LRP3: variants seen among roughly 807,000 people sequenced by gnomAD.
The protein encoded by LRP3 is low-density lipoprotein receptor-related protein 3.
LRP3 carries 49 observed loss-of-function variants against 58.5 expected under a neutral mutation model. The ratio of observed to expected loss-of-function variants is 0.84; its 90% CI spans 0.67 to 1.06. LRP3 has a LOEUF of 1.06. Ranked by LOEUF, LRP3 falls within the 50% of genes least tolerant of loss-of-function variation. The probability of loss-of-function intolerance (pLI) is 0.00; values close to 1 mark genes in which losing one functional copy is unlikely to be tolerated. For synonymous variants in LRP3, 485 were observed against 492.2 expected (o/e 0.99, Z 0.20); for missense variants, 1,019 against 1,134.2 (o/e 0.90, Z 1.46).
rs1239880974 is a variant in LRP3, at chr19:33,205,280, G to A, written c.510G>A (p.Glu170=). 1.2e-6 allele frequency: 2 copies of A among 1,610,330 alleles called. No homozygotes were observed. Among genetic ancestry groups the A allele is most frequent in the East Asian group, 4.5e-5 (2 of 44,784 alleles). The change falls in exon 5 of 7, where the codon GAG becomes GAA. Residue 170 remains glutamate, a synonymous_variant. Coordinates refer to ENST00000253193, the MANE Select transcript of LRP3 (RefSeq NM_002333.4). ...GCCAGGCATCCTGCCAGGCAGATGAGTTCCGCTGTGACAACGGCAAGTGCC... is the reference window on the plus strand; with the variant it reads ...GCCAGGCATCCTGCCAGGCAGATGAATTCCGCTGTGACAACGGCAAGTGCC... ...KLGQASCQAD[E]FRCDNGKCLP...
chr19:33,206,336 C>T lies in LRP3; in HGVS notation c.1566C>T (p.Leu522=). 2 of 1,603,640 alleles carry T rather than the reference C, an allele frequency of 1.2e-6. No individual in the cohort carries two copies. The highest frequency in any genetic ancestry group is 1.3e-5 in the African/African-American group (1 of 74,960). Residue 522 remains leucine (L), a synonymous_variant, in exon 5 of 7, where the codon CTC becomes CTT. Transcript: ENST00000253193. ...TCGCGCTGGGCTGCGCCTTCAAGCT[C>T]TACTCACTGCGCACGCAGGAATACA... is the stretch of plus-strand genomic sequence containing the variant. The part of the protein sequence containing the change: ...LVIALGCAFK[L]YSLRTQEYRA...
chr19:33,204,497 G>A, intron 3 of LRP3, 141 bp from the exon 4 acceptor site: 1 of 674,132 alleles, frequency 1.5e-6, no homozygotes, highest in South Asian at 1.7e-5. Flanking sequence ...AGGCAGTCTG[G>A]AACATGAGGA....
chr19:33,202,697 A>T, intron 2 of LRP3, 151 bp from the exon 3 acceptor site: 1 of 843,376 alleles, frequency 1.2e-6, no homozygotes, highest in Non-Finnish European at 1.8e-6. Context: ...CCATGAAGTC[A>T]CAAGTTGTGG....
At chr19:33,202,588 C>T (rs1355581207) in intron 2 of LRP3, among the ~76,000 whole-genome samples, 2 of 152,156 alleles carry the variant, frequency 1.3e-5, no homozygotes, top group South Asian at 2.1e-4. Flanking sequence ...GCCAGAGATG[C>T]GGGGGACAGG....
Position 33,206,496 on chromosome 19 carries a change from A to C in LRP3, c.1593-105A>C, listed in dbSNP as rs749018492. 2.5e-6 allele frequency: 4 copies of C among 1,592,084 alleles called. No individual in the cohort carries two copies. In the South Asian group the frequency reaches 4.4e-5, roughly 18 times the overall value. On this transcript the variant is annotated intron_variant, in intron 5 of 6. Coordinates refer to ENST00000253193, the MANE Select transcript of LRP3 (RefSeq NM_002333.4). ...TGCCCTGGTGCACACTGGGGTCCCT[A>C]TATCTTGGGGTGTCTGGGTGGAGGG...
chr19:33,206,899 C>A, intron 6 of LRP3, 89 bp from the exon 7 acceptor site: 1 of 1,214,462 alleles, frequency 8.2e-7, no homozygotes, highest in South Asian at 1.6e-5. Flanking sequence ...GGTCTCAGGT[C>A]CCTTGGGGGT....
chr19:33,199,697 C>T (rs146197819), intron 2 of LRP3, among the ~76,000 whole-genome samples: 7 of 152,280 alleles, frequency 4.6e-5, no homozygotes, highest in Non-Finnish European at 8.8e-5. Flanking sequence ...TGGAGGCACC[C>T]GTTGTCAGGG....
intron 2 of LRP3, among the ~76,000 whole-genome samples, chr19:33,199,111 C>G (rs904487150): frequency 4.6e-5 from 7 of 152,162 alleles, no homozygotes; most frequent in Non-Finnish European, 8.8e-5. Flanking sequence ...GACCTCTTGA[C>G]AGCCCCCAAC....
At chr19:33,200,437 G>A (rs1375675678) in intron 2 of LRP3, among the ~76,000 whole-genome samples, 1 of 152,132 alleles carries the variant, frequency 6.6e-6, no homozygotes, top group East Asian at 1.9e-4. Context: ...TGCCATGTTG[G>A]TCAGGCTGAT....
rs193250006 is a variant in LRP3 at position 33,203,471 on chromosome 19, G to A, written c.260+485G>A. Among the ~76,000 whole-genome samples, 40 of 152,320 alleles carry A rather than the reference G, an allele frequency of 2.6e-4. 1 individual carries two copies. In the East Asian group the frequency reaches 6.6e-3, roughly 25 times the overall value. Reference sequence around the variant, plus strand: ...CCATGCCTGCAAAGGTGCAGAGAGCGTGTATGTGCGCATGCATGTAAGATA... The same window carrying A: ...CCATGCCTGCAAAGGTGCAGAGAGCATGTATGTGCGCATGCATGTAAGATA... On this transcript the variant is annotated intron_variant, in intron 3 of 6. Coordinates refer to ENST00000253193, the MANE Select transcript of LRP3 (RefSeq NM_002333.4).
At position 33,205,450 on chromosome 19, in the gene LRP3, GCCTGCCT is replaced by G; in HGVS notation, c.681_687del (p.Cys227TrpfsTer106). The G allele has an allele frequency of 6.3e-7, 1 of 1,586,496 alleles. No homozygotes were observed. Among genetic ancestry groups the G allele is most frequent in the South Asian group, 1.1e-5 (1 of 89,032 alleles). ...TGCAGCGGGGCGCGCTCCACGCGCT[GCCTGCCT>G]GTGGAGCGGCGCTGTGACGGCTTGC... On this transcript the variant is annotated frameshift_variant, in exon 5 of 7. Transcript: ENST00000253193. LOFTEE classifies it high-confidence loss of function.
At chr19:33,196,895 A>G in intron 2 of LRP3, 118 bp downstream of exon 2, 2 of 937,498 alleles carry the variant, frequency 2.1e-6, no homozygotes, top group Admixed American at 1.8e-5. Flanking sequence ...CATCTTTTCT[A>G]CATCACAAAG....
intron 2 of LRP3, among the ~76,000 whole-genome samples, chr19:33,198,678 C>T (rs1051456466): frequency 1.3e-5 from 2 of 152,212 alleles, no homozygotes; most frequent in Non-Finnish European, 2.9e-5. Flanking sequence ...ATCCTAAGCC[C>T]AGGTATGTTG....
At chr19:33,203,092 T>C (rs1037608159) in intron 3 of LRP3, 106 bp downstream of exon 3, 1 of 1,330,432 alleles carries the variant, frequency 7.5e-7, no homozygotes, top group South Asian at 1.4e-5. Context: ...CGCCTGAGGG[T>C]GTACATGTGT....
Position 33,206,357 on chromosome 19 carries a change from A to C in LRP3, c.1587A>C (p.Glu529Asp), listed in dbSNP as rs1415984332. The C allele has an allele frequency of 6.2e-7, 1 of 1,605,056 alleles. No homozygotes were observed. Among genetic ancestry groups the C allele is most frequent in the East Asian group, 2.2e-5 (1 of 44,804 alleles). The change falls in exon 5 of 7, where the codon GAA becomes GAC. Residue 529 changes from glutamate to aspartate, a missense_variant. Glu to Asp is a conservative substitution (Grantham distance 45). Coordinates refer to ENST00000253193, the MANE Select transcript of LRP3 (RefSeq NM_002333.4). ...AFKLYSLRTQ[E>D]YRAFETQMTR... ...AGCTCTACTCACTGCGCACGCAGGAATACAGGTGGGCGCTGTGCCCGCAGC... is the reference window on the plus strand; with the variant it reads ...AGCTCTACTCACTGCGCACGCAGGACTACAGGTGGGCGCTGTGCCCGCAGC...
At position 33,196,809 on chromosome 19, in the gene LRP3, C is replaced by A. The variant is rs765672536; in HGVS notation, c.121+32C>A. ...AAGCACTTTCTCTCCTTCCTCCACT[C>A]CTTCAGTCCCTTTTGGGTGAGTGGT... On this transcript the variant is annotated intron_variant, in intron 2 of 6. Transcript: ENST00000253193. The A allele has an allele frequency of 1.9e-6, 3 of 1,607,650 alleles. No individual in the cohort carries two copies. The East Asian group carries it at 6.7e-5, about 36-fold the overall frequency.
In LRP3 at chr19:33,207,320, G is replaced by A. The variant is rs542164752; in HGVS notation, c.2058G>A (p.Ser686=). 283 of 1,573,228 alleles carry A rather than the reference G, an allele frequency of 1.8e-4. No individual in the cohort carries two copies. The highest frequency in any genetic ancestry group is 1.1e-3 in the Admixed American group (63 of 55,244). The change falls in exon 7 of 7, where the codon TCG becomes TCA. Residue 686 remains serine (S), a synonymous_variant. Transcript: ENST00000253193. ...EVGPSGPPLP[S]GLRDPECRPV... Reference sequence around the variant, plus strand: ...GACCTTCAGGGCCACCCTTGCCCTCGGGCCTGCGAGACCCAGAGTGCAGGC... The same window carrying A: ...GACCTTCAGGGCCACCCTTGCCCTCAGGCCTGCGAGACCCAGAGTGCAGGC...
intron 2 of LRP3, 117 bp from the exon 3 acceptor site, chr19:33,202,731 C>G (rs1974353613): frequency 7.9e-7 from 1 of 1,258,094 alleles, no homozygotes; most frequent in East Asian, 2.6e-5. Context: ...CATGGCCACC[C>G]TTGGCTGGAC....
intron 2 of LRP3, among the ~76,000 whole-genome samples, chr19:33,201,602 A>G (rs1974342307): frequency 6.6e-6 from 1 of 152,184 alleles, no homozygotes; most frequent in Non-Finnish European, 1.5e-5. Flanking sequence ...TCACGGTGCC[A>G]GGGGCCAGCC....
Sources: gnomAD v4.1 joint callset for allele counts (sites outside exome capture counted in the v4.1 genomes callset) on GRCh38, gnomAD v4.1.1 for gene constraint, MANE v1.5 for transcripts, NCBI Gene and HGNC (gene_info 2026-07-23, HGNC 2026-07-21) for gene names.